The following SLC14A2 variants were observed in gnomAD, a reference collection of about 807,000 sequenced individuals.
SLC14A2 encodes the protein solute carrier family 14 member 2.
A neutral mutation model predicts 104.6 loss-of-function variants in SLC14A2; 91 were observed. The ratio of observed to expected loss-of-function variants is 0.87; its 90% CI spans 0.73 to 1.04. SLC14A2 has a LOEUF of 1.04. Ranked by LOEUF, SLC14A2 falls within the 50% of genes least tolerant of loss-of-function variation. SLC14A2 has a pLI of 0.00. For synonymous variants in SLC14A2, 476 were observed against 466.4 expected, an observed-to-expected ratio of 1.02 and a Z score of -0.27; for missense variants, 1,189 against 1,156.0, an observed-to-expected ratio of 1.03 and a Z score of -0.41.
intron 1 of SLC14A2, among the ~76,000 whole-genome samples, chr18:45,622,590 C>T (rs1452401514): frequency 6.6e-6 from 1 of 152,086 alleles, no homozygotes; most frequent in Admixed American, 6.5e-5. Flanking sequence ...TGGGTAGGAG[C>T]ACCAGGGCTG....
At chr18:45,421,160 C>G (rs1209758594) in intron 1 of SLC14A2, among the ~76,000 whole-genome samples, 2 of 151,918 alleles carry the variant, frequency 1.3e-5, no homozygotes, top group African/African-American at 2.4e-5. Context: ...AATCAAGAAC[C>G]TAAAATGTAT....
At chr18:45,544,614 T>C (rs1182007826) in intron 2 of SLC14A2, among the ~76,000 whole-genome samples, 6 of 152,078 alleles carry the variant, frequency 3.9e-5, no homozygotes, top group Non-Finnish European at 4.4e-5. Context: ...CATGATGCCT[T>C]ACCCAGGAAT....
intron 1 of SLC14A2, among the ~76,000 whole-genome samples, chr18:45,416,622 T>C (rs1457888301): frequency 6.6e-6 from 1 of 152,160 alleles, no homozygotes; most frequent in African/African-American, 2.4e-5. Flanking sequence ...GTTATTGTTA[T>C]TGTCACTATT....
intron 10 of SLC14A2, among the ~76,000 whole-genome samples, chr18:45,652,457 G>A (rs191042286): frequency 2.5e-4 from 38 of 152,330 alleles, no homozygotes; most frequent in African/African-American, 8.4e-4. Context: ...CAGGCTGCTA[G>A]AGCAGAATGA....
intron 1 of SLC14A2, among the ~76,000 whole-genome samples, chr18:45,238,425 T>C (rs946799115): frequency 6.6e-6 from 1 of 152,224 alleles, no homozygotes; most frequent in African/African-American, 2.4e-5. Context: ...GGCAGCACAC[T>C]GTTGAAGACT....
At position 45,536,910 on chromosome 18, in the gene SLC14A2, C is replaced by A. The variant is rs574258620; in HGVS notation, c.-35+53588C>A. ...AATGCTGGGTGTCCTGGGTGGGCAT[C>A]CTTGCAGGCCTTCAAGGACCTTGTG... On this transcript the variant is annotated intron_variant, in intron 2 of 20. Coordinates refer to the SLC14A2 transcript ENST00000586448. Among the ~76,000 whole-genome samples, 5 of 152,234 alleles carry A rather than the reference C, an allele frequency of 3.3e-5. No individual in the cohort carries two copies. The South Asian group carries it at 1.0e-3, about 32-fold the overall frequency.
intron 1 of SLC14A2, among the ~76,000 whole-genome samples, chr18:45,622,152 T>C (rs899868666): frequency 1.3e-5 from 2 of 152,188 alleles, no homozygotes; most frequent in African/African-American, 4.8e-5. Flanking sequence ...CTGCGGGGCA[T>C]GGCTTTGAGG....
intron 2 of SLC14A2, among the ~76,000 whole-genome samples, chr18:45,601,799 C>A (rs2044794370): frequency 6.6e-6 from 1 of 152,216 alleles, no homozygotes; most frequent in Non-Finnish European, 1.5e-5. Flanking sequence ...TGAAGCAACA[C>A]CATGGTGATC....
chr18:45,500,120 G>A (rs994459514), intron 2 of SLC14A2, among the ~76,000 whole-genome samples: 3 of 152,018 alleles, frequency 2.0e-5, no homozygotes, highest in African/African-American at 7.2e-5. Context: ...TTTAAAAGGG[G>A]GCATGGAGAG....
chr18:45,536,927 G>A (rs2043796026), intron 2 of SLC14A2, among the ~76,000 whole-genome samples: 1 of 151,958 alleles, frequency 6.6e-6, no homozygotes, highest in African/African-American at 2.4e-5. Flanking sequence ...GGCCTTCAAG[G>A]ACCTTGTGGT....
At chr18:45,570,469 A>C (rs940066140) in intron 2 of SLC14A2, among the ~76,000 whole-genome samples, 1 of 152,236 alleles carries the variant, frequency 6.6e-6, no homozygotes, top group Non-Finnish European at 1.5e-5. Flanking sequence ...AGAGAATAAG[A>C]GCACTTTAGA....
In SLC14A2 at chr18:45,682,503, C is replaced by T. The variant is rs376045920; in HGVS notation, c.2747C>T (p.Ala916Val). The change falls in exon 20 of 20, where the codon GCC (alanine) becomes GTC (valine). Residue 916 changes from alanine to valine, a missense_variant. Transcript: ENST00000255226. ...GCATCAATCATAACAAAGTATCAGG[C>T]CTACGATGTCTCCTAAGTTTCCCTG... ...RRASIITKYQ[A>V]YDVS The T allele has an allele frequency of 6.2e-7, 1 of 1,613,848 alleles. No individual in the cohort carries two copies.
chr18:45,353,307 T>A (rs2085520902), intron 1 of SLC14A2, among the ~76,000 whole-genome samples: 1 of 152,184 alleles, frequency 6.6e-6, no homozygotes, highest in Non-Finnish European at 1.5e-5. Flanking sequence ...TCCACAGTGG[T>A]GGAAGACAGT....
chr18:45,226,193 A>G (rs2084114625), intron 1 of SLC14A2, among the ~76,000 whole-genome samples: 1 of 152,210 alleles, frequency 6.6e-6, no homozygotes, highest in Admixed American at 6.5e-5. Context: ...GGATGTGGAG[A>G]AATAGGAACA....
At chr18:45,583,418 T>G (rs1481260680) in intron 2 of SLC14A2, among the ~76,000 whole-genome samples, 3 of 152,234 alleles carry the variant, frequency 2.0e-5, no homozygotes, top group African/African-American at 7.2e-5. Context: ...ATCTTTGCCT[T>G]GGAAATCTGC....
intron 2 of SLC14A2, among the ~76,000 whole-genome samples, chr18:45,558,057 C>T (rs1237496315): frequency 6.6e-6 from 1 of 152,188 alleles, no homozygotes; most frequent in Non-Finnish European, 1.5e-5. Flanking sequence ...CAGGTAGCCT[C>T]TCAGATCATT....
rs73425921 is a variant in SLC14A2 at position 45,239,588 on chromosome 18, T to C, written c.-125+26397T>C. 3.8e-3 allele frequency among the ~76,000 whole-genome samples: 574 copies of C among 152,328 alleles called. 7 individuals are homozygous for C. Among genetic ancestry groups the C allele is most frequent in the African/African-American group, 0.013 (543 of 41,590 alleles). On this transcript the variant is annotated intron_variant, in intron 1 of 20. Coordinates refer to the SLC14A2 transcript ENST00000586448. ...CCCATCAGGGCAGAGACACATGTTG[T>C]ACAGCAACAGTAAAAGATCATAGAC...
intron 10 of SLC14A2, among the ~76,000 whole-genome samples, chr18:45,650,683 G>C (rs1189304396): frequency 6.6e-6 from 1 of 152,200 alleles, no homozygotes; most frequent in African/African-American, 2.4e-5. Flanking sequence ...TGAGGATGCG[G>C]ACTGCCTGAG....
chr18:45,351,716 A>G (rs189148801), intron 1 of SLC14A2, among the ~76,000 whole-genome samples: 13 of 152,316 alleles, frequency 8.5e-5, no homozygotes, highest in African/African-American at 3.1e-4. Context: ...TGGGTTTGAA[A>G]AGTATAGTAA....
Sources: allele counts gnomAD v4.1 joint callset (sites outside exome capture counted in the v4.1 genomes callset), GRCh38; gene constraint gnomAD v4.1.1; transcripts MANE v1.5; gene names NCBI Gene and HGNC (gene_info 2026-07-23, HGNC 2026-07-21).